The following CUBN variants were observed in gnomAD, a reference collection of about 807,000 sequenced individuals.
The protein encoded by CUBN is cubilin, also known as 460 kDa receptor.
Under a neutral mutation model 405.3 loss-of-function variants are expected in CUBN, and 282 were observed. That is an observed-to-expected ratio of 0.70 (90% CI 0.63 to 0.77). The LOEUF (loss-of-function observed/expected upper bound fraction) is 0.77. CUBN is among the 30% of genes least tolerant of loss of function. The probability of loss-of-function intolerance (pLI) is 0.00; values close to 1 mark genes in which losing one functional copy is unlikely to be tolerated. For synonymous variants in CUBN, 1,684 were observed against 1,617.0 expected (o/e 1.04, Z -0.99); for missense variants, 4,514 against 4,475.2 (o/e 1.01, Z -0.25).
chr10:16,841,913 A>AAAC lies in CUBN; in HGVS notation c.9664-867_9664-866insGTT. Among the ~76,000 whole-genome samples, 3 of 143,984 alleles carry AAAC rather than the reference A, an allele frequency of 2.1e-5. No homozygotes were observed. The South Asian group carries it at 6.5e-4, about 31-fold the overall frequency. The allele number at this position is 143,984 out of a possible 152,430, so 94.5% of individuals were successfully genotyped here. A position where few individuals can be genotyped will look rare whatever the true frequency, so the allele number is the denominator to read the frequency against. ...GGGTGACAGTGCAAGACTGTCTCAA[A>AAAC]AAAAAAAAAAAAAAAAAGATATCCC... On this transcript the variant is annotated intron_variant, in intron 60 of 66. Coordinates refer to ENST00000377833, the MANE Select transcript of CUBN (RefSeq NM_001081.4).
At chr10:16,839,649 T>G (rs780618) in intron 62 of CUBN, among the ~76,000 whole-genome samples, 20 of 82,540 alleles carry the variant, frequency 2.4e-4, no homozygotes, top group African/African-American at 5.4e-4. Flanking sequence ...ATTGTGGAAG[T>G]CAGTGTGGTG....
At position 16,877,059 on chromosome 10, in the gene CUBN, C is replaced by T. The variant is rs761597446; in HGVS notation, c.8944G>A (p.Val2982Met). ...ACGCTGTAACCTCTGATAATGTGCA[C>T]GCCATCGTTGACACAGCTTCCCGTC... ...AVTGSCVNDGVHIIRGYSVMS... is the reference protein window; with the variant it reads ...AVTGSCVNDGMHIIRGYSVMS... Residue 2982 changes from valine (V) to methionine (M), a missense_variant, in exon 57 of 67, where the codon GTG becomes ATG. Around this residue, in one of 5 missense-constraint regions of CUBN, gnomAD observed 1,186 missense variants for 1,186.9 expected, o/e 1.00. Coordinates refer to ENST00000377833, the MANE Select transcript of CUBN (RefSeq NM_001081.4). The T allele has an allele frequency of 1.3e-5, 21 of 1,614,050 alleles. No homozygotes were observed. The East Asian group carries it at 1.3e-4, about 10-fold the overall frequency.
intron 30 of CUBN, 41 bp downstream of exon 30, chr10:16,984,064 C>T (rs1344616804): frequency 1.2e-6 from 2 of 1,608,200 alleles, no homozygotes; most frequent in East Asian, 2.2e-5. Context: ...TTAACGAGGG[C>T]TCGGCTTAAG....
In CUBN at chr10:17,124,526, C is replaced by T. The variant is rs1026052809; in HGVS notation, c.388-837G>A. On this transcript the variant is annotated intron_variant, in intron 4 of 66. Coordinates refer to ENST00000377833, the MANE Select transcript of CUBN (RefSeq NM_001081.4). Reference sequence around the variant, plus strand: ...TCACTGCAGGCGCTGCCTCCTGGGTCCATGCCATTCTCCTGCCTCAGCCTC... The same window carrying T: ...TCACTGCAGGCGCTGCCTCCTGGGTTCATGCCATTCTCCTGCCTCAGCCTC... Among the ~76,000 whole-genome samples, 17 of 150,168 alleles carry T rather than the reference C, an allele frequency of 1.1e-4. No individual in the cohort carries two copies. In the East Asian group the frequency reaches 1.4e-3, roughly 12 times the overall value.
intron 6 of CUBN, 116 bp downstream of exon 6, chr10:17,122,679 T>C: frequency 1.4e-6 from 1 of 714,458 alleles, no homozygotes; most frequent in Non-Finnish European, 2.5e-6. Flanking sequence ...TATTTCCTCA[T>C]GGAGTACCAA....
At chr10:16,835,570 T>C (rs182406520) in intron 63 of CUBN, among the ~76,000 whole-genome samples, 1 of 152,134 alleles carries the variant, frequency 6.6e-6, no homozygotes, top group East Asian at 1.9e-4. Flanking sequence ...CACAAGGATT[T>C]TAAATCCATT....
intron 31 of CUBN, among the ~76,000 whole-genome samples, chr10:16,962,849 C>T (rs553051720): frequency 3.3e-4 from 51 of 152,242 alleles, no homozygotes; most frequent in African/African-American, 1.2e-3. Flanking sequence ...CACCTGGCTT[C>T]CTGACCCACG....
chr10:16,957,111 T>G (rs1479820034), intron 31 of CUBN, among the ~76,000 whole-genome samples: 1 of 152,208 alleles, frequency 6.6e-6, no homozygotes, highest in Non-Finnish European at 1.5e-5. Flanking sequence ...TGCCCTACTG[T>G]GTTATAGAAC....
intron 54 of CUBN, among the ~76,000 whole-genome samples, chr10:16,891,919 A>G (rs887086359): frequency 6.6e-6 from 1 of 152,178 alleles, no homozygotes; most frequent in South Asian, 2.1e-4. Flanking sequence ...CTTTCTATCA[A>G]CAGACAACTA....
intron 28 of CUBN, among the ~76,000 whole-genome samples, chr10:16,997,338 G>A (rs551129845): frequency 6.6e-6 from 1 of 152,080 alleles, no homozygotes; most frequent in Non-Finnish European, 1.5e-5. Flanking sequence ...AGGAGGCTGA[G>A]GCAGGAGAAT....
intron 22 of CUBN, among the ~76,000 whole-genome samples, chr10:17,048,917 T>C (rs1835198957): frequency 6.6e-6 from 1 of 152,246 alleles, no homozygotes; most frequent in South Asian, 2.1e-4. Flanking sequence ...TATCTGTGTG[T>C]AGCTCTCAAA....
intron 31 of CUBN, among the ~76,000 whole-genome samples, chr10:16,963,434 A>C (rs1346427519): frequency 3.3e-5 from 5 of 151,146 alleles, no homozygotes; most frequent in East Asian, 1.9e-4. Context: ...CAATCCATCC[A>C]CCTCAGCCTC....
At chr10:17,067,040 C>T (rs376907219) in intron 21 of CUBN, among the ~76,000 whole-genome samples, 7 of 152,220 alleles carry the variant, frequency 4.6e-5, no homozygotes, top group East Asian at 3.9e-4. Context: ...TCCAGAACAA[C>T]GCTCATGAAT....
chr10:17,068,037 T>TAAAC (rs747559747), intron 21 of CUBN, 27 bp downstream of exon 21: 2 of 1,568,560 alleles, frequency 1.3e-6, no homozygotes, highest in East Asian at 2.2e-5. Flanking sequence ...GTTTTATTGT[T>TAAAC]AAACAAACAA....
rs1403196518 is a variant in CUBN at position 16,984,199 on chromosome 10, G to T, written c.4431C>A (p.Val1477=). Reference sequence around the variant, plus strand: ...TTGCTAGCTCATTTCCAGTGCTGGAGACCTGCATGGGGTTCTCAGGTGATC... The same window carrying T: ...TTGCTAGCTCATTTCCAGTGCTGGATACCTGCATGGGGTTCTCAGGTGATC... ...TQRSPENPMQ[V]SSTGNELAIR... Residue 1477 remains valine (V), a synonymous_variant, in exon 30 of 67, where the codon GTC becomes GTA. Transcript: ENST00000377833. 6.2e-7 allele frequency: 1 copy of T among 1,614,142 alleles called. No individual in the cohort carries two copies. The highest frequency in any genetic ancestry group is 2.2e-5 in the East Asian group (1 of 44,882).
intron 17 of CUBN, among the ~76,000 whole-genome samples, chr10:17,078,841 A>C (rs1588628401): frequency 6.6e-6 from 1 of 152,056 alleles, no homozygotes; most frequent in East Asian, 1.9e-4. Flanking sequence ...CATACCCTCT[A>C]TTTGACCTAG....
rs571476942 is a variant in CUBN, at chr10:17,079,681, G to C, written c.2301+4590C>G. 6.9e-4 allele frequency among the ~76,000 whole-genome samples: 105 copies of C among 152,258 alleles called. 2 individuals are homozygous for C. The highest frequency in any genetic ancestry group is 2.5e-3 in the African/African-American group (103 of 41,546). On this transcript the variant is annotated intron_variant, in intron 17 of 66. Transcript: ENST00000377833. ...TTCAGCCTATGTGGTGTGTTTGCTT[G>C]CTCCAGGCCTTATTCTTTTTCTGAC...
chr10:16,914,955 T>C (rs1841841806), intron 47 of CUBN, 77 bp downstream of exon 47: 1 of 1,316,168 alleles, frequency 7.6e-7, no homozygotes, highest in Non-Finnish European at 1.1e-6. Context: ...TTTTCAAATA[T>C]TTTAACACTG....
intron 15 of CUBN, among the ~76,000 whole-genome samples, chr10:17,086,130 T>C (rs1169592111): frequency 1.3e-5 from 2 of 152,030 alleles, no homozygotes; most frequent in African/African-American, 4.8e-5. Context: ...CACGCCCAGC[T>C]ATTTGTTGTA....
Sources: gnomAD v4.1 joint callset for allele counts (sites outside exome capture counted in the v4.1 genomes callset) on GRCh38, gnomAD v4.1.1 for gene constraint, gnomAD v4.1.1 regional missense constraint, MANE v1.5 for transcripts, NCBI Gene and HGNC (gene_info 2026-07-23, HGNC 2026-07-21) for gene names.